The following AFF1 variants were observed in gnomAD, a reference collection of about 807,000 sequenced individuals.
AFF1 encodes AF4/FMR2 family member 1.
Under a neutral mutation model 121.7 loss-of-function variants are expected in AFF1, and 48 were observed. That is an observed-to-expected ratio of 0.39 (90% confidence interval 0.31 to 0.50). The LOEUF (loss-of-function observed/expected upper bound fraction) is 0.50. AFF1 is among the 20% of genes least tolerant of loss of function. The probability of loss-of-function intolerance (pLI) is 0.76; values close to 1 mark genes in which losing one functional copy is unlikely to be tolerated. For synonymous variants in AFF1, 613 were observed against 563.0 expected, an observed-to-expected ratio of 1.09 and a Z score of -1.26; for missense variants, 1,523 against 1,511.7, an observed-to-expected ratio of 1.01 and a Z score of -0.12.
chr4:87,099,648 G>T (rs545013133), intron 8 of AFF1, among the ~76,000 whole-genome samples: 1 of 152,296 alleles, frequency 6.6e-6, no homozygotes, highest in African/African-American at 2.4e-5. Flanking sequence ...GACTCAGGCA[G>T]TCTGCCCACC....
At chr4:87,133,114 T>C (rs1728984638) in intron 19 of AFF1, among the ~76,000 whole-genome samples, 1 of 152,206 alleles carries the variant, frequency 6.6e-6, no homozygotes, top group Admixed American at 6.5e-5. Context: ...GGCATTTCAG[T>C]AAACAAGAAA....
At chr4:87,015,281 ACT>A (rs1400649236) in intron 2 of AFF1, among the ~76,000 whole-genome samples, 1 of 152,152 alleles carries the variant, frequency 6.6e-6, no homozygotes, top group Non-Finnish European at 1.5e-5. Context: ...GACGGTGCTA[ACT>A]CTCCATTTAA....
intron 4 of AFF1, among the ~76,000 whole-genome samples, chr4:87,068,626 G>A: frequency 6.6e-6 from 1 of 152,208 alleles, no homozygotes; most frequent in East Asian, 1.9e-4. Flanking sequence ...AATCAAAACT[G>A]CCAAAGGGAC....
intron 2 of AFF1, among the ~76,000 whole-genome samples, chr4:86,985,160 TAATA>T (rs1724109850): frequency 7.2e-5 from 1 of 13,870 alleles, no homozygotes; most frequent in African/African-American, 8.5e-5. Flanking sequence ...TATAAAAATA[TAATA>T]TATATAATAT....
intron 4 of AFF1, among the ~76,000 whole-genome samples, chr4:87,083,001 A>G (rs989616416): frequency 1.3e-5 from 2 of 152,232 alleles, no homozygotes; most frequent in Non-Finnish European, 1.5e-5. Flanking sequence ...AGTGGCAGTA[A>G]TGGGAAAGTC....
chr4:86,979,038 C>T (rs146272534), intron 2 of AFF1, among the ~76,000 whole-genome samples: 3 of 152,312 alleles, frequency 2.0e-5, no homozygotes, highest in African/African-American at 7.2e-5. Flanking sequence ...CTCATGTACT[C>T]TCAACTCCAG....
At chr4:87,056,567 T>A (rs1019583840) in intron 4 of AFF1, among the ~76,000 whole-genome samples, 7 of 152,150 alleles carry the variant, frequency 4.6e-5, no homozygotes, top group Admixed American at 1.3e-4. Flanking sequence ...TGTGAAAAAA[T>A]TTTTTCCTAT....
chr4:87,007,198 A>G (rs1168540559), intron 2 of AFF1: 3 of 1,397,186 alleles, frequency 2.1e-6, no homozygotes, highest in Non-Finnish European at 2.8e-6. Context: ...CCGGATGTCC[A>G]TCAGGATTAG....
chr4:87,067,834 C>CA (rs1471120462), intron 4 of AFF1, among the ~76,000 whole-genome samples: 9 of 152,186 alleles, frequency 5.9e-5, no homozygotes, highest in Non-Finnish European at 8.8e-5. Context: ...CTACATGCCA[C>CA]AGTTTGGATG....
At chr4:86,983,635 G>A (rs1014920697) in intron 2 of AFF1, among the ~76,000 whole-genome samples, 2 of 152,084 alleles carry the variant, frequency 1.3e-5, no homozygotes, top group Non-Finnish European at 2.9e-5. Context: ...CATGAACCCC[G>A]GAGGTGGAGG....
chr4:86,995,565 C>T (rs1725084065), intron 2 of AFF1, among the ~76,000 whole-genome samples: 1 of 152,010 alleles, frequency 6.6e-6, no homozygotes, highest in African/African-American at 2.4e-5. Flanking sequence ...CCGCCAGCCT[C>T]GGCCTCCCGA....
chr4:87,080,359 G>C (rs184054763), intron 4 of AFF1, among the ~76,000 whole-genome samples: 19 of 152,278 alleles, frequency 1.2e-4, no homozygotes, highest in African/African-American at 4.6e-4. Context: ...TTGTCATTTT[G>C]TGTTCTTTAA....
chr4:86,963,967 T>G (rs1227105960), intron 2 of AFF1, among the ~76,000 whole-genome samples: 2 of 148,908 alleles, frequency 1.3e-5, no homozygotes, highest in Non-Finnish European at 3.0e-5. Context: ...AGACTGGTTT[T>G]TTTTTTTTTT....
At position 87,127,624 on chromosome 4, in the gene AFF1, G is replaced by A. The variant is rs1316007143; in HGVS notation, c.2904-19G>A. 6.2e-7 allele frequency: 1 copy of A among 1,613,870 alleles called. No homozygotes were observed. ...TTTTTGGCTCATATGACCTGTCCCT[G>A]GTTTTTCCTCTTTTTCAGACAACAA... On this transcript the variant is annotated intron_variant, in intron 15 of 20. Coordinates refer to ENST00000395146, the MANE Select transcript of AFF1 (RefSeq NM_001166693.3).
chr4:86,994,494 CAT>C (rs1724965429), intron 2 of AFF1, among the ~76,000 whole-genome samples: 2 of 152,220 alleles, frequency 1.3e-5, no homozygotes, highest in South Asian at 2.1e-4. Context: ...CCTGCAAACA[CAT>C]GTGTAAAAGG....
rs976434464 is a variant in AFF1 at position 87,137,919 on chromosome 4, C to T, written c.*2218C>T. On this transcript the variant is annotated 3_prime_UTR_variant, in exon 21 of 21. Transcript: ENST00000395146. Reference sequence around the variant, plus strand: ...TATGCAGATTGTGCCAGAGCATGTGCGTGTTCTGTTGGCAAGCCACAGTGC... The same window carrying T: ...TATGCAGATTGTGCCAGAGCATGTGTGTGTTCTGTTGGCAAGCCACAGTGC... 20 of 231,336 alleles carry T rather than the reference C, an allele frequency of 8.6e-5. No individual in the cohort carries two copies. Among genetic ancestry groups the T allele is most frequent in the African/African-American group, 2.2e-4 (10 of 45,248 alleles). 14.3% of individuals were successfully genotyped at this position (231,336 alleles called of 1,614,324 possible).
intron 2 of AFF1, among the ~76,000 whole-genome samples, chr4:87,002,007 A>C (rs767957500): frequency 1.5e-4 from 23 of 152,190 alleles, no homozygotes; most frequent in Non-Finnish European, 2.6e-4. Context: ...AAAGGGTAGA[A>C]TTGTTGAATG....
Position 87,124,370 on chromosome 4 carries a change from T to A in AFF1, c.2467-667T>A, listed in dbSNP as rs539057974. ...AAAAATAAAAACATGTTTCTGTATA[T>A]GGAGAGATATAAAGACAGTATTAAA... On this transcript the variant is annotated intron_variant, in intron 12 of 20. Coordinates refer to ENST00000395146, the MANE Select transcript of AFF1 (RefSeq NM_001166693.3). Among the ~76,000 whole-genome samples the A allele has an allele frequency of 2.0e-5, 3 of 152,306 alleles. No homozygotes were observed. The South Asian group carries it at 6.2e-4, about 32-fold the overall frequency.
chr4:87,134,695 GTAAA>G lies in AFF1; in HGVS notation c.3535+7_3535+10del. On this transcript the variant is annotated splice_donor_variant and splice_donor_5th_base_variant and intron_variant, in intron 20 of 20. Coordinates refer to ENST00000395146, the MANE Select transcript of AFF1 (RefSeq NM_001166693.3). LOFTEE classifies it high-confidence loss of function. ...GAGGCCCTCACGAGGAAGAATAAAGGTAAATAAATGGCTTTGTGGTGGTAATTAC... is the reference window on the plus strand; with the variant it reads ...GAGGCCCTCACGAGGAAGAATAAAGGTAAATGGCTTTGTGGTGGTAATTAC... 1 of 1,608,760 alleles carries G rather than the reference GTAAA, an allele frequency of 6.2e-7. No individual in the cohort carries two copies. The highest frequency in any genetic ancestry group is 8.5e-7 in the Non-Finnish European group (1 of 1,175,910).
Sources: allele counts gnomAD v4.1 joint callset (sites outside exome capture counted in the v4.1 genomes callset), GRCh38; gene constraint gnomAD v4.1.1; transcripts MANE v1.5; gene names NCBI Gene and HGNC (gene_info 2026-07-23, HGNC 2026-07-21).